The following ABTB3 variants were observed in gnomAD, a reference collection of about 807,000 sequenced individuals.
ABTB3 encodes ankyrin repeat- and BTB/POZ domain-containing protein 3.
At chr12:107,489,670 T>C in the ABTB3 span, among the ~76,000 whole-genome samples, 1 of 152,212 alleles carries the variant, frequency 6.6e-6, no homozygotes, top group African/African-American at 2.4e-5. Context: ...GTTTTTATGA[T>C]AGTCCCAAAG....
At chr12:107,401,125 A>C in the ABTB3 span, among the ~76,000 whole-genome samples, 1 of 152,214 alleles carries the variant, frequency 6.6e-6, no homozygotes, top group African/African-American at 2.4e-5. Context: ...GAGACAAATG[A>C]GGTGGCTGTC....
chr12:107,614,164 G>A, the ABTB3 span, among the ~76,000 whole-genome samples: 1 of 152,156 alleles, frequency 6.6e-6, no homozygotes, highest in Admixed American at 6.5e-5. Flanking sequence ...GACCCCAGGA[G>A]TGTTTGGGAG....
the ABTB3 span, among the ~76,000 whole-genome samples, chr12:107,344,949 C>G: frequency 2.0e-5 from 3 of 152,126 alleles, no homozygotes; most frequent in Admixed American, 6.5e-5. Context: ...AAGAAATTAG[C>G]CTTGGATTAG....
the ABTB3 span, among the ~76,000 whole-genome samples, chr12:107,401,490 G>T: frequency 6.6e-6 from 1 of 152,164 alleles, no homozygotes; most frequent in Non-Finnish European, 1.5e-5. Flanking sequence ...CATCACAGGG[G>T]GTCAGTCACT....
At chr12:107,567,267 A>G in the ABTB3 span, among the ~76,000 whole-genome samples, 26 of 152,254 alleles carry the variant, frequency 1.7e-4, no homozygotes, top group African/African-American at 5.5e-4. Context: ...GGGTATAGGA[A>G]TCATGACCTT....
chr12:107,620,260 G>A, the ABTB3 span: 1 of 1,470,076 alleles, frequency 6.8e-7, no homozygotes. Flanking sequence ...TCCCCTTTGA[G>A]TGGGATCACT....
At chr12:107,578,383 C>CTTTTT in the ABTB3 span, among the ~76,000 whole-genome samples, 40 of 57,182 alleles carry the variant, frequency 7.0e-4, no homozygotes, top group African/African-American at 1.3e-3. Flanking sequence ...CTTTCTTCTT[C>CTTTTT]TTTTTTTTTT....
chr12:107,639,681 G>C, the ABTB3 span, among the ~76,000 whole-genome samples: 1 of 152,110 alleles, frequency 6.6e-6, no homozygotes, highest in Non-Finnish European at 1.5e-5. Context: ...AACAAAGCAG[G>C]CCATCCTATC....
the ABTB3 span, among the ~76,000 whole-genome samples, chr12:107,344,212 A>G: frequency 6.6e-6 from 1 of 152,230 alleles, no homozygotes. Flanking sequence ...TCTTTTAAGC[A>G]GCGTCACTGG....
chr12:107,438,524 C>T, the ABTB3 span, among the ~76,000 whole-genome samples: 1 of 152,160 alleles, frequency 6.6e-6, no homozygotes, highest in Non-Finnish European at 1.5e-5. Flanking sequence ...GTGCTGCAGC[C>T]TCAGGAGGCG....
chr12:107,352,444 C>T, the ABTB3 span, among the ~76,000 whole-genome samples: 1 of 152,118 alleles, frequency 6.6e-6, no homozygotes, highest in African/African-American at 2.4e-5. Context: ...TTGTGCAAGA[C>T]CTCAGAGACC....
At chr12:107,382,844 G>A in the ABTB3 span, among the ~76,000 whole-genome samples, 6 of 152,048 alleles carry the variant, frequency 3.9e-5, no homozygotes, top group Non-Finnish European at 7.4e-5. Flanking sequence ...AACCACCATG[G>A]CATGTGTATA....
At chr12:107,595,114 A>C in the ABTB3 span, among the ~76,000 whole-genome samples, 1 of 152,154 alleles carries the variant, frequency 6.6e-6, no homozygotes, top group Non-Finnish European at 1.5e-5. Flanking sequence ...TCATAGAGAG[A>C]CTTGCTGAAT....
the ABTB3 span, among the ~76,000 whole-genome samples, chr12:107,356,440 G>A: frequency 2.6e-5 from 4 of 152,188 alleles, no homozygotes; most frequent in African/African-American, 9.7e-5. Context: ...AGCACCGCAG[G>A]AGCAGAGTAC....
At chr12:107,507,964 T>G in the ABTB3 span, among the ~76,000 whole-genome samples, 1 of 152,228 alleles carries the variant, frequency 6.6e-6, no homozygotes, top group African/African-American at 2.4e-5. Context: ...TTGTACCTAT[T>G]CCACTACATT....
chr12:107,480,374 G>A, the ABTB3 span, among the ~76,000 whole-genome samples: 2 of 152,172 alleles, frequency 1.3e-5, no homozygotes, highest in African/African-American at 2.4e-5. Flanking sequence ...AGAAAGATTA[G>A]CTTGGCAGAG....
the ABTB3 span, among the ~76,000 whole-genome samples, chr12:107,394,543 G>A: frequency 1.3e-5 from 2 of 152,188 alleles, no homozygotes; most frequent in South Asian, 2.1e-4. Context: ...CTGTTCCAAT[G>A]TGAGCTGTTT....
the ABTB3 span, among the ~76,000 whole-genome samples, chr12:107,358,738 G>T: frequency 6.6e-6 from 1 of 152,164 alleles, no homozygotes; most frequent in Non-Finnish European, 1.5e-5. Context: ...GGGATTACAG[G>T]TGCACACCAC....
the ABTB3 span, among the ~76,000 whole-genome samples, chr12:107,395,710 C>G: frequency 1.3e-5 from 2 of 152,224 alleles, no homozygotes; most frequent in Non-Finnish European, 2.9e-5. Context: ...CCATCCACCC[C>G]CAGTGGGGGC....
Sources: gnomAD v4.1 joint callset for allele counts (sites outside exome capture counted in the v4.1 genomes callset) on GRCh38, gnomAD v4.1.1 for gene constraint, MANE v1.5 for transcripts, NCBI Gene and HGNC (gene_info 2026-07-23, HGNC 2026-07-21) for gene names.